DOK6: variants seen among roughly 807,000 people sequenced by gnomAD.
DOK6 encodes the protein downstream of tyrosine kinase 6.
In DOK6, 22 loss-of-function variants were observed where a neutral mutation model predicts 44.0. That is an observed-to-expected ratio of 0.50 (90% CI 0.36 to 0.71). DOK6 has a LOEUF of 0.71. DOK6 is among the 30% of genes least tolerant of loss of function. The pLI is 0.00. For synonymous variants in DOK6, 166 were observed against 145.5 expected (o/e 1.14, Z -1.01); for missense variants, 340 against 416.4 (o/e 0.82, Z 1.60).
chr18:69,738,948 T>C lies in DOK6; in HGVS notation c.600-17T>C, dbSNP rs1285886792. 3.1e-6 allele frequency: 5 copies of C among 1,613,430 alleles called. No individual in the cohort carries two copies. Among genetic ancestry groups the C allele is most frequent in the Non-Finnish European group, 4.2e-6 (5 of 1,179,580 alleles). ...ACACATGGAGACCCATCTCTTTCCC[T>C]ATCTCTATTCTCACAGAATGTGTGA... On this transcript the variant is annotated splice_polypyrimidine_tract_variant and intron_variant, in intron 5 of 7. Coordinates refer to ENST00000382713, the MANE Select transcript of DOK6 (RefSeq NM_152721.6).
intron 7 of DOK6, among the ~76,000 whole-genome samples, chr18:69,783,221 G>A (rs920971200): frequency 3.3e-5 from 5 of 152,158 alleles, no homozygotes; most frequent in African/African-American, 9.7e-5. Context: ...GCCAACACTA[G>A]CACTGTGCAT....
At position 69,401,123 on chromosome 18, in the gene DOK6, G is replaced by A. The variant is rs1184214926; in HGVS notation, c.-122G>A. 2 of 984,640 alleles carry A rather than the reference G, an allele frequency of 2.0e-6. No individual in the cohort carries two copies. Among genetic ancestry groups the A allele is most frequent in the East Asian group, 3.7e-5 (1 of 27,346 alleles). The allele number at this position is 984,640 out of a possible 1,614,324, so 61.0% of individuals were successfully genotyped here. A position where few individuals can be genotyped will look rare whatever the true frequency, so the allele number is the denominator to read the frequency against. On this transcript the variant is annotated 5_prime_UTR_variant, in exon 1 of 8. Transcript: ENST00000382713. ...CCGGCGGGAGCTCGGGGAAGAGCGG[G>A]CGGCGGCGCTGCTGCTGGCGGCGGC...
At chr18:69,560,310 A>G (rs1982796858) in intron 1 of DOK6, among the ~76,000 whole-genome samples, 1 of 152,210 alleles carries the variant, frequency 6.6e-6, no homozygotes, top group African/African-American at 2.4e-5. Flanking sequence ...TGTGAATTTC[A>G]CTAAAGACTG....
intron 6 of DOK6, among the ~76,000 whole-genome samples, chr18:69,744,234 C>A (rs563978992): frequency 6.6e-6 from 1 of 151,382 alleles, no homozygotes; most frequent in African/African-American, 2.4e-5. Context: ...TGCTTGAACC[C>A]GGGAGGCGGA....
chr18:69,812,148 A>T (rs898305562), intron 7 of DOK6, among the ~76,000 whole-genome samples: 37 of 152,270 alleles, frequency 2.4e-4, no homozygotes, highest in African/African-American at 8.9e-4. Context: ...GTGAAGGGAA[A>T]ATTAACCACA....
intron 1 of DOK6, chr18:69,469,801 G>C (rs1312887468): frequency 4.3e-6 from 1 of 234,352 alleles, no homozygotes; most frequent in Non-Finnish European, 8.9e-6. Flanking sequence ...GAGCGCGGCA[G>C]AGGCGCCCCC....
chr18:69,528,209 A>T (rs1340185060), intron 1 of DOK6, among the ~76,000 whole-genome samples: 1 of 151,758 alleles, frequency 6.6e-6, no homozygotes, highest in Non-Finnish European at 1.5e-5. Flanking sequence ...AGAAACTAAG[A>T]TGCATAGCGT....
intron 7 of DOK6, among the ~76,000 whole-genome samples, chr18:69,791,982 T>G (rs1341925686): frequency 6.6e-6 from 1 of 152,154 alleles, no homozygotes; most frequent in African/African-American, 2.4e-5. Context: ...ATACTCGGTT[T>G]TCCCAGCACC....
chr18:69,582,261 G>A (rs776622309), intron 2 of DOK6, among the ~76,000 whole-genome samples: 1 of 152,166 alleles, frequency 6.6e-6, no homozygotes, highest in African/African-American at 2.4e-5. Flanking sequence ...TTGGTCCATA[G>A]GCTATAGTTT....
chr18:69,534,725 A>G (rs1982073940), intron 1 of DOK6, among the ~76,000 whole-genome samples: 1 of 151,876 alleles, frequency 6.6e-6, no homozygotes, highest in African/African-American at 2.4e-5. Flanking sequence ...TCGTTCCTTT[A>G]TCTATCGTTG....
intron 3 of DOK6, among the ~76,000 whole-genome samples, chr18:69,606,024 C>A (rs1983986521): frequency 6.6e-6 from 1 of 152,148 alleles, no homozygotes; most frequent in African/African-American, 2.4e-5. Flanking sequence ...ATAATCCCAG[C>A]ACTTTGGGAG....
At chr18:69,682,964 A>G (rs1214084192) in intron 4 of DOK6, among the ~76,000 whole-genome samples, 1 of 152,230 alleles carries the variant, frequency 6.6e-6, no homozygotes, top group Non-Finnish European at 1.5e-5. Flanking sequence ...CTCATGTGGA[A>G]AATAACCAGT....
intron 7 of DOK6, among the ~76,000 whole-genome samples, chr18:69,790,682 T>G (rs1980568004): frequency 6.6e-6 from 1 of 152,170 alleles, no homozygotes; most frequent in Non-Finnish European, 1.5e-5. Flanking sequence ...GTATATATAT[T>G]TATGGGATAC....
chr18:69,435,333 T>C (rs899250525), intron 1 of DOK6, among the ~76,000 whole-genome samples: 2 of 152,216 alleles, frequency 1.3e-5, no homozygotes, highest in African/African-American at 4.8e-5. Flanking sequence ...TTATCAAATA[T>C]TTATTTAAGC....
intron 7 of DOK6, among the ~76,000 whole-genome samples, chr18:69,760,352 T>C (rs962545306): frequency 2.6e-5 from 4 of 152,186 alleles, no homozygotes; most frequent in Admixed American, 2.6e-4. Flanking sequence ...AGTTATCCAC[T>C]GAGTGCGGTG....
At chr18:69,585,483 G>T (rs898955047) in intron 2 of DOK6, among the ~76,000 whole-genome samples, 7 of 152,012 alleles carry the variant, frequency 4.6e-5, no homozygotes, top group African/African-American at 1.7e-4. Flanking sequence ...GTGTATATAG[G>T]GCCACATAGA....
chr18:69,412,454 G>A (rs986067766), intron 1 of DOK6, among the ~76,000 whole-genome samples: 1 of 152,064 alleles, frequency 6.6e-6, no homozygotes, highest in Non-Finnish European at 1.5e-5. Flanking sequence ...GCAGTGGCAA[G>A]ACCGACTCCC....
chr18:69,625,047 T>C (rs2144641221), intron 3 of DOK6, among the ~76,000 whole-genome samples: 1 of 152,278 alleles, frequency 6.6e-6, no homozygotes, highest in South Asian at 2.1e-4. Context: ...ACAACTTGAC[T>C]TGGCAACTCT....
intron 5 of DOK6, among the ~76,000 whole-genome samples, chr18:69,716,483 C>T (rs188588828): frequency 3.3e-5 from 5 of 152,244 alleles, no homozygotes; most frequent in Admixed American, 3.3e-4. Flanking sequence ...ACCTTAACCC[C>T]TGAAATAGCT....
Sources: gnomAD v4.1 joint callset for allele counts (sites outside exome capture counted in the v4.1 genomes callset) on GRCh38, gnomAD v4.1.1 for gene constraint, MANE v1.5 for transcripts, NCBI Gene and HGNC (gene_info 2026-07-23, HGNC 2026-07-21) for gene names.